Variants in KIAA1217 observed in about 807,000 individuals in gnomAD.
The protein encoded by KIAA1217 is sickle tail protein homolog.
A neutral mutation model predicts 163.9 loss-of-function variants in KIAA1217; 88 were observed. The ratio of observed to expected loss-of-function variants is 0.54; its 90% CI spans 0.45 to 0.64. The LOEUF is 0.64. Among genes scored for constraint, KIAA1217 ranks in the 30% least tolerant of loss-of-function variants. The probability of loss-of-function intolerance (pLI) is 0.00; values close to 1 mark genes in which losing one functional copy is unlikely to be tolerated. For synonymous variants in KIAA1217, 903 were observed against 923.1 expected (o/e 0.98, Z 0.39); for missense variants, 2,372 against 2,475.0 (o/e 0.96, Z 0.88).
intron 2 of KIAA1217, among the ~76,000 whole-genome samples, chr10:24,063,303 A>G (rs1238815582): frequency 1.3e-5 from 2 of 152,130 alleles, no homozygotes; most frequent in African/African-American, 4.8e-5. Flanking sequence ...ATCCATGTTG[A>G]ATTAATTTTT....
intron 2 of KIAA1217, among the ~76,000 whole-genome samples, chr10:24,362,683 CTA>C (rs1234667585): frequency 1.3e-5 from 2 of 152,140 alleles, no homozygotes; most frequent in African/African-American, 2.4e-5. Flanking sequence ...AAATTTGACT[CTA>C]TGTAAAGTGA....
intron 3 of KIAA1217, among the ~76,000 whole-genome samples, chr10:24,395,256 C>T (rs1463381858): frequency 1.3e-5 from 2 of 152,184 alleles, no homozygotes; most frequent in African/African-American, 4.8e-5. Context: ...ATCTCTGAAT[C>T]ACCTCATCTG....
chr10:23,702,591 A>G (rs1477709578), intron 1 of KIAA1217, among the ~76,000 whole-genome samples: 1 of 151,286 alleles, frequency 6.6e-6, no homozygotes, highest in Non-Finnish European at 1.5e-5. Flanking sequence ...TTACACCATG[A>G]AGATTCAGGT....
intron 2 of KIAA1217, among the ~76,000 whole-genome samples, chr10:24,156,603 C>T (rs958299503): frequency 6.6e-6 from 1 of 152,162 alleles, no homozygotes; most frequent in Non-Finnish European, 1.5e-5. Context: ...ACTAACCAGT[C>T]CAGAGCCTGG....
chr10:24,244,689 C>G (rs896038879), intron 2 of KIAA1217, among the ~76,000 whole-genome samples: 4 of 151,650 alleles, frequency 2.6e-5, no homozygotes, highest in African/African-American at 4.8e-5. Context: ...CTCAGCCTCC[C>G]GAGTAGCTGA....
intron 2 of KIAA1217, among the ~76,000 whole-genome samples, chr10:24,079,753 G>A (rs2061481830): frequency 1.3e-5 from 2 of 152,164 alleles, no homozygotes. Context: ...GCACACGTCT[G>A]CATCCCCATC....
At chr10:24,389,563 G>C (rs2054554220) in intron 3 of KIAA1217, among the ~76,000 whole-genome samples, 1 of 149,456 alleles carries the variant, frequency 6.7e-6, no homozygotes, top group Non-Finnish European at 1.5e-5. Flanking sequence ...AAAAAAAAAA[G>C]AAAGAAAGAA....
intron 2 of KIAA1217, among the ~76,000 whole-genome samples, chr10:24,019,632 G>A (rs368498297): frequency 1.3e-5 from 2 of 151,860 alleles, no homozygotes; most frequent in Non-Finnish European, 2.9e-5. Flanking sequence ...TGAGGTTGCA[G>A]TGCAAAATCA....
intron 1 of KIAA1217, among the ~76,000 whole-genome samples, chr10:23,962,040 G>A (rs1008859939): frequency 1.3e-5 from 2 of 152,198 alleles, no homozygotes; most frequent in Admixed American, 6.5e-5. Context: ...CATATTCTGA[G>A]ATACTGGAGG....
intron 3 of KIAA1217, among the ~76,000 whole-genome samples, chr10:24,383,240 C>A (rs2053554965): frequency 2.0e-5 from 3 of 152,172 alleles, no homozygotes; most frequent in Admixed American, 2.0e-4. Flanking sequence ...GCTCAGGTCT[C>A]TGTAAAGATA....
intron 2 of KIAA1217, among the ~76,000 whole-genome samples, chr10:24,090,407 C>T (rs1425064409): frequency 4.2e-5 from 6 of 144,056 alleles, no homozygotes; most frequent in Admixed American, 6.9e-5. Flanking sequence ...CTCAAACTCC[C>T]GGCCTCAAGC....
At chr10:24,174,852 T>TTGTTGC (rs2065794862) in intron 2 of KIAA1217, among the ~76,000 whole-genome samples, 1 of 151,722 alleles carries the variant, frequency 6.6e-6, no homozygotes, top group Non-Finnish European at 1.5e-5. Flanking sequence ...ACATGTAGTG[T>TTGTTGC]TGTTGTTGTT....
At chr10:23,877,623 A>C (rs1309801001) in intron 1 of KIAA1217, 4 of 151,970 alleles carry the variant, frequency 2.6e-5, no homozygotes, top group African/African-American at 4.8e-5. Flanking sequence ...TGGGCCATAT[A>C]AATTTTGCCT....
chr10:23,909,197 CAG>C (rs985593682), intron 1 of KIAA1217, among the ~76,000 whole-genome samples: 7 of 152,078 alleles, frequency 4.6e-5, no homozygotes, highest in East Asian at 1.9e-4. Flanking sequence ...TTTGCAGACT[CAG>C]GGGGAAATGG....
chr10:24,164,693 G>C (rs1478336960), intron 2 of KIAA1217, among the ~76,000 whole-genome samples: 1 of 152,198 alleles, frequency 6.6e-6, no homozygotes, highest in African/African-American at 2.4e-5. Flanking sequence ...AAGTAGGGGT[G>C]AAATCTGAGA....
At chr10:23,853,820 C>T (rs199569431) in intron 1 of KIAA1217, among the ~76,000 whole-genome samples, 6 of 152,132 alleles carry the variant, frequency 3.9e-5, no homozygotes, top group Admixed American at 3.3e-4. Flanking sequence ...TTATAGCATT[C>T]TCTGATGGTA....
chr10:24,405,025 C>T (rs917703777), intron 3 of KIAA1217, among the ~76,000 whole-genome samples: 2 of 152,020 alleles, frequency 1.3e-5, no homozygotes, highest in African/African-American at 2.4e-5. Context: ...ACTTGGGGGC[C>T]TAGTTATGAT....
At chr10:23,852,787 G>A (rs1378467725) in intron 1 of KIAA1217, among the ~76,000 whole-genome samples, 1 of 152,058 alleles carries the variant, frequency 6.6e-6, no homozygotes, top group Non-Finnish European at 1.5e-5. Context: ...ATTGTGAATG[G>A]GAGTTCACTC....
intron 1 of KIAA1217, among the ~76,000 whole-genome samples, chr10:23,724,322 A>G (rs1370782749): frequency 6.6e-6 from 1 of 152,152 alleles, no homozygotes; most frequent in Admixed American, 6.5e-5. Context: ...TCTCTTTCCA[A>G]AATGGTAAAA....
Sources: allele counts gnomAD v4.1 joint callset (sites outside exome capture counted in the v4.1 genomes callset), GRCh38; gene constraint gnomAD v4.1.1; transcripts MANE v1.5; gene names NCBI Gene and HGNC (gene_info 2026-07-23, HGNC 2026-07-21).